BAIAP2L1: variants seen among roughly 807,000 people sequenced by gnomAD.
BAIAP2L1 encodes BAR/IMD domain containing adaptor protein 2 like 1, also known as BAR/IMD domain-containing adapter protein 2-like 1.
Under a neutral mutation model 66.3 loss-of-function variants are expected in BAIAP2L1, and 35 were observed. That is an observed-to-expected ratio of 0.53 (90% CI 0.40 to 0.70). The LOEUF (loss-of-function observed/expected upper bound fraction) is 0.70. Among genes scored for constraint, BAIAP2L1 ranks in the 30% least tolerant of loss-of-function variants. The pLI, the probability that BAIAP2L1 is intolerant of heterozygous loss-of-function variation, is 0.00. For missense variants in BAIAP2L1, 622 were observed against 656.9 expected, an observed-to-expected ratio of 0.95 and a Z score of 0.58; for synonymous variants, 269 against 248.7, an observed-to-expected ratio of 1.08 and a Z score of -0.77.
chr7:98,364,094 C>G (rs970991436), intron 1 of BAIAP2L1, among the ~76,000 whole-genome samples: 1 of 151,964 alleles, frequency 6.6e-6, no homozygotes, highest in African/African-American at 2.4e-5. Flanking sequence ...GATGAGGCCT[C>G]AGGTCTCTAT....
intron 1 of BAIAP2L1, among the ~76,000 whole-genome samples, chr7:98,372,131 G>C (rs1683978850): frequency 6.6e-6 from 1 of 151,986 alleles, no homozygotes; most frequent in African/African-American, 2.4e-5. Flanking sequence ...TATAGGCCGG[G>C]TGTGTTGGCT....
chr7:98,400,268 GA>G (rs2115880772), intron 1 of BAIAP2L1: 1 of 107,438 alleles, frequency 9.3e-6, no homozygotes, highest in East Asian at 2.9e-4. Context: ...GGACGGGGAG[GA>G]GAAGGGACAG....
intron 1 of BAIAP2L1, among the ~76,000 whole-genome samples, chr7:98,380,344 A>G (rs552956777): frequency 2.6e-5 from 4 of 152,218 alleles, no homozygotes; most frequent in African/African-American, 9.6e-5. Flanking sequence ...TGGGAAGAAA[A>G]AGAGGTTTCA....
intron 2 of BAIAP2L1, among the ~76,000 whole-genome samples, chr7:98,359,752 T>TTG (rs1802224026): frequency 6.7e-6 from 1 of 148,738 alleles, no homozygotes; most frequent in South Asian, 2.1e-4. Flanking sequence ...TGGGTTTTTT[T>TTG]TTTTTTTTTT....
chr7:98,325,547 G>A lies in BAIAP2L1; in HGVS notation c.215-5249C>T, dbSNP rs1025257041. Among the ~76,000 whole-genome samples, 12 of 151,612 alleles carry A rather than the reference G, an allele frequency of 7.9e-5. No homozygotes were observed. In the South Asian group the frequency reaches 1.5e-3, roughly 18 times the overall value. Reference sequence around the variant, plus strand: ...ACAAAAATTAGCCGGGCTTGGTGGCGCGTGCCTGTAGTCCTAGCTACTCAG... The same window carrying A: ...ACAAAAATTAGCCGGGCTTGGTGGCACGTGCCTGTAGTCCTAGCTACTCAG... On this transcript the variant is annotated intron_variant, in intron 3 of 13. Coordinates refer to ENST00000005260, the MANE Select transcript of BAIAP2L1 (RefSeq NM_018842.5).
chr7:98,312,865 G>C (rs1279153498), intron 7 of BAIAP2L1, among the ~76,000 whole-genome samples: 1 of 152,180 alleles, frequency 6.6e-6, no homozygotes, highest in Non-Finnish European at 1.5e-5. Flanking sequence ...CCTGGAGGCA[G>C]AGTGCCCCTC....
At position 98,396,528 on chromosome 7, in the gene BAIAP2L1, T is replaced by C. The variant is rs116886910; in HGVS notation, c.51+4274A>G. Among the ~76,000 whole-genome samples the C allele has an allele frequency of 5.0e-4, 76 of 152,276 alleles. 2 individuals carry two copies. In the East Asian group the frequency reaches 0.012, roughly 24 times the overall value. On this transcript the variant is annotated intron_variant, in intron 1 of 13. Coordinates refer to ENST00000005260, the MANE Select transcript of BAIAP2L1 (RefSeq NM_018842.5). ...CTAAATTACCATACAAACAAAGGCATGGTAAGTGGGATGTGGCAGCCGGTC... is the reference window on the plus strand; with the variant it reads ...CTAAATTACCATACAAACAAAGGCACGGTAAGTGGGATGTGGCAGCCGGTC...
chr7:98,362,072 C>T (rs1158561041), intron 2 of BAIAP2L1, among the ~76,000 whole-genome samples: 1 of 152,010 alleles, frequency 6.6e-6, no homozygotes, highest in African/African-American at 2.4e-5. Context: ...CTCATGTACA[C>T]ATTTTATATT....
In BAIAP2L1 at chr7:98,315,567, T is replaced by C. The variant is rs1446385190; in HGVS notation, c.532A>G (p.Ile178Val). 2 of 1,491,136 alleles carry C rather than the reference T, an allele frequency of 1.3e-6. No homozygotes were observed. The highest frequency in any genetic ancestry group is 2.5e-5 in the East Asian group (1 of 40,114). 92.4% of individuals were successfully genotyped at this position (1,491,136 alleles called of 1,614,324 possible). ...AGAGCCTCTTTGCAACCATCTGCAA[T>C]GAATTTCTGGATTTCACTCTGACGA... ...TSRQSEIQKFIADGCKEALLE... is the reference protein window; with the variant it reads ...TSRQSEIQKFVADGCKEALLE... The change falls in exon 7 of 14, where the codon ATT becomes GTT. Residue 178 changes from isoleucine (I) to valine (V), a missense_variant. Ile to Val is a conservative substitution (Grantham distance 29). Transcript: ENST00000005260.
chr7:98,335,330 G>A (rs937605313), intron 3 of BAIAP2L1, among the ~76,000 whole-genome samples: 5 of 151,848 alleles, frequency 3.3e-5, no homozygotes, highest in Non-Finnish European at 7.4e-5. Context: ...CTGACACTCA[G>A]TTTCCCTCCA....
intron 2 of BAIAP2L1, among the ~76,000 whole-genome samples, chr7:98,360,418 T>G (rs1177002031): frequency 6.6e-6 from 1 of 152,126 alleles, no homozygotes; most frequent in Non-Finnish European, 1.5e-5. Context: ...CCAAGGACTT[T>G]ACACATTTAC....
chr7:98,295,638 C>T (rs1800159248), intron 12 of BAIAP2L1, among the ~76,000 whole-genome samples: 1 of 152,108 alleles, frequency 6.6e-6, no homozygotes, highest in Non-Finnish European at 1.5e-5. Flanking sequence ...TCCACTCTGC[C>T]CTCCCCTCCT....
At chr7:98,356,807 C>T (rs1434106872) in intron 2 of BAIAP2L1, among the ~76,000 whole-genome samples, 4 of 148,098 alleles carry the variant, frequency 2.7e-5, no homozygotes, top group African/African-American at 7.5e-5. Context: ...GGAGACCCCC[C>T]CATATCTCTA....
rs57716972 is a variant in BAIAP2L1, at chr7:98,401,054, C to T, written c.-202G>A. The T allele has an allele frequency of 7.9e-4, 327 of 414,486 alleles. 2 individuals carry two copies. The highest frequency in any genetic ancestry group is 6.2e-3 in the African/African-American group (294 of 47,486). 25.7% of individuals were successfully genotyped at this position (414,486 alleles called of 1,614,324 possible). ...GCGGCAGCGCCGCCCTGGCCTTCTTCGAGGAGCAGAGGAGAAGCGGCCGGA... is the reference window on the plus strand; with the variant it reads ...GCGGCAGCGCCGCCCTGGCCTTCTTTGAGGAGCAGAGGAGAAGCGGCCGGA... On this transcript the variant is annotated 5_prime_UTR_variant, in exon 1 of 14. Transcript: ENST00000005260.
At chr7:98,356,812 T>C (rs1439898599) in intron 2 of BAIAP2L1, among the ~76,000 whole-genome samples, 2 of 146,272 alleles carry the variant, frequency 1.4e-5, no homozygotes, top group East Asian at 2.0e-4. Flanking sequence ...CCCCCCCATA[T>C]CTCTACTGAA....
chr7:98,318,818 C>G (rs1211842524), intron 5 of BAIAP2L1, among the ~76,000 whole-genome samples: 1 of 151,536 alleles, frequency 6.6e-6, no homozygotes, highest in African/African-American at 2.4e-5. Context: ...GTGGTGGGTG[C>G]CTGTAATCCC....
intron 1 of BAIAP2L1, among the ~76,000 whole-genome samples, chr7:98,395,301 T>A (rs961473082): frequency 2.6e-5 from 4 of 151,890 alleles, no homozygotes; most frequent in African/African-American, 9.7e-5. Context: ...TAGCTGGGCA[T>A]GGTGGCATAA....
chr7:98,378,882 G>A (rs1802693047), intron 1 of BAIAP2L1, among the ~76,000 whole-genome samples: 1 of 152,008 alleles, frequency 6.6e-6, no homozygotes, highest in Non-Finnish European at 1.5e-5. Context: ...TCAGGCTGGT[G>A]TACAGTGGCG....
At chr7:98,371,686 A>G (rs1802513348) in intron 1 of BAIAP2L1, among the ~76,000 whole-genome samples, 1 of 152,222 alleles carries the variant, frequency 6.6e-6, no homozygotes, top group African/African-American at 2.4e-5. Flanking sequence ...ATGGAACTAT[A>G]CATAAATTAA....
Sources: allele counts gnomAD v4.1 joint callset (sites outside exome capture counted in the v4.1 genomes callset), GRCh38; gene constraint gnomAD v4.1.1; transcripts MANE v1.5; gene names NCBI Gene and HGNC (gene_info 2026-07-23, HGNC 2026-07-21).